Variants in DSN1 observed in about 807,000 individuals in gnomAD.
DSN1 encodes kinetochore-associated protein DSN1 homolog.
DSN1 carries 31 observed loss-of-function variants against 45.7 expected under a neutral mutation model. The ratio of observed to expected loss-of-function variants is 0.68; its 90% CI spans 0.51 to 0.92. The LOEUF (loss-of-function observed/expected upper bound fraction) is 0.92. DSN1 is among the 40% of genes least tolerant of loss of function. The probability of loss-of-function intolerance (pLI) is 0.00; values close to 1 mark genes in which losing one functional copy is unlikely to be tolerated. For synonymous variants in DSN1, 134 were observed against 142.3 expected (o/e 0.94, Z 0.41); for missense variants, 394 against 414.2 (o/e 0.95, Z 0.42).
Position 36,759,730 on chromosome 20 carries a change from G to A in DSN1, c.591-1113C>T, listed in dbSNP as rs189978774. On this transcript the variant is annotated intron_variant, in intron 6 of 10. Coordinates refer to ENST00000373750, the MANE Select transcript of DSN1 (RefSeq NM_001145315.2). ...GATCTCCTGACCTCGTGATCCGCCCGCCTCGGCCTCCCAAACTGCTGGGAT... is the reference window on the plus strand; with the variant it reads ...GATCTCCTGACCTCGTGATCCGCCCACCTCGGCCTCCCAAACTGCTGGGAT... Among the ~76,000 whole-genome samples the A allele has an allele frequency of 6.8e-3, 1,033 of 151,474 alleles. 13 individuals are homozygous for A. The highest frequency in any genetic ancestry group is 0.023 in the African/African-American group (969 of 41,306).
intron 6 of DSN1, among the ~76,000 whole-genome samples, chr20:36,758,915 G>A (rs929537446): frequency 1.3e-5 from 2 of 152,024 alleles, no homozygotes; most frequent in Non-Finnish European, 2.9e-5. Context: ...TCAAACTCCC[G>A]ACCTCAGGTG....
chr20:36,759,276 C>T (rs985037007), intron 6 of DSN1, among the ~76,000 whole-genome samples: 2 of 151,980 alleles, frequency 1.3e-5, no homozygotes, highest in African/African-American at 4.8e-5. Context: ...CCACCACACC[C>T]AGCCTTTTAT....
intron 5 of DSN1, among the ~76,000 whole-genome samples, chr20:36,764,929 A>G (rs1378324411): frequency 1.3e-5 from 2 of 151,452 alleles, no homozygotes; most frequent in African/African-American, 2.4e-5. Flanking sequence ...CAAAAAAAAA[A>G]AAAGAAAGAA....
At chr20:36,772,351 C>T (rs1264140877) in intron 1 of DSN1, among the ~76,000 whole-genome samples, 2 of 151,802 alleles carry the variant, frequency 1.3e-5, no homozygotes, top group African/African-American at 4.8e-5. Flanking sequence ...TGCAGTGGCG[C>T]AGTCTCGGCT....
intron 1 of DSN1, among the ~76,000 whole-genome samples, chr20:36,773,065 G>C (rs1208738803): frequency 6.6e-6 from 1 of 152,216 alleles, no homozygotes; most frequent in African/African-American, 2.4e-5. Flanking sequence ...GCTCGGTCAA[G>C]GATCTGAATC....
intron 6 of DSN1, among the ~76,000 whole-genome samples, chr20:36,762,004 G>A (rs1236238826): frequency 6.7e-6 from 1 of 149,864 alleles, no homozygotes; most frequent in African/African-American, 2.5e-5. Context: ...GCAAGACTCC[G>A]AATCAAAAAA....
At chr20:36,772,723 A>G (rs1009611959) in intron 1 of DSN1, among the ~76,000 whole-genome samples, 2 of 152,250 alleles carry the variant, frequency 1.3e-5, no homozygotes, top group East Asian at 1.9e-4. Context: ...ATCTTTGCAC[A>G]TATCTGTCCT....
chr20:36,759,730 G>T (rs189978774), intron 6 of DSN1, among the ~76,000 whole-genome samples: 4 of 151,358 alleles, frequency 2.6e-5, no homozygotes, highest in Admixed American at 2.6e-4. Flanking sequence ...TGATCCGCCC[G>T]CCTCGGCCTC....
rs373132947 is a variant in DSN1 at position 36,758,619 on chromosome 20, T to C, written c.591-2A>G. On this transcript the variant is annotated splice_acceptor_variant, in intron 6 of 10. Coordinates refer to ENST00000373750, the MANE Select transcript of DSN1 (RefSeq NM_001145315.2). LOFTEE classifies it high-confidence loss of function. ...TCCAAAGAAAAATCTGATGCTTTTC[T>C]GGAAAACAGATAGGATTATGACATA... The C allele has an allele frequency of 1.9e-6, 3 of 1,610,586 alleles. No individual in the cohort carries two copies. The highest frequency in any genetic ancestry group is 2.7e-5 in the African/African-American group (2 of 74,862).
chr20:36,764,050 C>T (rs1987178095), intron 5 of DSN1, among the ~76,000 whole-genome samples: 1 of 151,764 alleles, frequency 6.6e-6, no homozygotes, highest in Non-Finnish European at 1.5e-5. Flanking sequence ...CCCATGTCTA[C>T]AAAAAAATTT....
intron 3 of DSN1, among the ~76,000 whole-genome samples, chr20:36,770,610 G>A (rs938055242): frequency 1.4e-4 from 22 of 152,172 alleles, no homozygotes; most frequent in African/African-American, 5.3e-4. Context: ...TGTAGTCCCA[G>A]CTACTTGGGA....
At chr20:36,768,078 T>A in intron 3 of DSN1, 36 bp from the exon 4 acceptor site, 3 of 1,601,304 alleles carry the variant, frequency 1.9e-6, no homozygotes, top group South Asian at 1.1e-5. Flanking sequence ...AGGAGCTGGA[T>A]AGTTACATAG....
Position 36,755,721 on chromosome 20 carries a change from T to C in DSN1, c.834A>G (p.Leu278=). The C allele has an allele frequency of 6.2e-7, 1 of 1,614,080 alleles. No homozygotes were observed. Among genetic ancestry groups the C allele is most frequent in the Non-Finnish European group, 8.5e-7 (1 of 1,179,992 alleles). ...AGTCAAAGACTTTGCTCTGGTTCTG[T>C]AATATTTTCTGGTAGTCAGGTTTTG... The part of the protein sequence containing the change: ...LNTKPDYQKI[L]QNQSKVFDCM... Residue 278 remains leucine (L), a synonymous_variant, in exon 9 of 11, where the codon TTA becomes TTG. Coordinates refer to ENST00000373750, the MANE Select transcript of DSN1 (RefSeq NM_001145315.2).
Position 36,763,911 on chromosome 20 carries a change from AG to A in DSN1, c.503-1364del, listed in dbSNP as rs1336446163. ...AAAAAAAAAAAAAAAAAAAAAAAAAAGAAAGACAGAAAACCAAAAAGGCCAG... is the reference window on the plus strand; with the variant it reads ...AAAAAAAAAAAAAAAAAAAAAAAAAAAAAGACAGAAAACCAAAAAGGCCAG... On this transcript the variant is annotated intron_variant, in intron 5 of 10. Coordinates refer to ENST00000373750, the MANE Select transcript of DSN1 (RefSeq NM_001145315.2). Among the ~76,000 whole-genome samples, 298 of 138,642 alleles carry A rather than the reference AG, an allele frequency of 2.1e-3. 7 individuals are homozygous for A. Among genetic ancestry groups the A allele is most frequent in the African/African-American group, 6.4e-3 (220 of 34,254 alleles). 91.0% of individuals were successfully genotyped at this position (138,642 alleles called of 152,430 possible). A position where few individuals can be genotyped will look rare whatever the true frequency, so the allele number is the denominator to read the frequency against.
intron 6 of DSN1, among the ~76,000 whole-genome samples, chr20:36,761,148 G>T (rs1366997472): frequency 6.6e-6 from 1 of 152,070 alleles, no homozygotes. Context: ...CTCTTGGCAA[G>T]GTAGCAAAGA....
chr20:36,771,203 G>T lies in DSN1; in HGVS notation c.35-10C>A, dbSNP rs746268142. 6.4e-7 allele frequency: 1 copy of T among 1,572,700 alleles called. No homozygotes were observed. The highest frequency in any genetic ancestry group is 1.9e-5 in the Admixed American group (1 of 52,384). ...ATCACTGGTCCTTTTTCTAGTATTT[G>T]TTATAAAAAAGTCAAAATACAAGAT... On this transcript the variant is annotated splice_polypyrimidine_tract_variant and intron_variant, in intron 2 of 10. Transcript: ENST00000373750.
At position 36,758,591 on chromosome 20, in the gene DSN1, G is replaced by A; in HGVS notation, c.617C>T (p.Ala206Val). The A allele has an allele frequency of 6.2e-7, 1 of 1,611,494 alleles. No homozygotes were observed. Among genetic ancestry groups the A allele is most frequent in the African/African-American group, 1.3e-5 (1 of 75,002 alleles). The change falls in exon 7 of 11, where the codon GCA becomes GTA. Residue 206 changes from alanine to valine, a missense_variant. Physicochemically the swap from Ala to Val is moderately conservative, Grantham distance 64. Transcript: ENST00000373750. ...NGKASDFSLE[A>V]SVAEMKEYIT... ...GTATTCCTTCATCTCAGCCACAGAT[G>A]CTTCCAAAGAAAAATCTGATGCTTT...
At chr20:36,765,247 T>TAAAAAAAAAAAA (rs33998027) in intron 5 of DSN1, among the ~76,000 whole-genome samples, 4 of 75,278 alleles carry the variant, frequency 5.3e-5, no homozygotes, top group Admixed American at 1.9e-4. Flanking sequence ...AGGCTTGTGT[T>TAAAAAAAAAAAA]AAAAAAAAAA....
At chr20:36,762,987 C>A (rs1987082807) in intron 5 of DSN1, among the ~76,000 whole-genome samples, 1 of 152,190 alleles carries the variant, frequency 6.6e-6, no homozygotes, top group Non-Finnish European at 1.5e-5. Context: ...TTCCTTGGCT[C>A]CAGCGATTCG....
Sources: allele counts gnomAD v4.1 joint callset (sites outside exome capture counted in the v4.1 genomes callset), GRCh38; gene constraint gnomAD v4.1.1; transcripts MANE v1.5; gene names NCBI Gene and HGNC (gene_info 2026-07-23, HGNC 2026-07-21).